SPAG16: variants seen among roughly 807,000 people sequenced by gnomAD.
SPAG16 encodes the protein sperm associated antigen 16.
In SPAG16, 86 loss-of-function variants were observed where a neutral mutation model predicts 80.4. That is an observed-to-expected ratio of 1.07 (90% CI 0.90 to 1.28). SPAG16 has a LOEUF of 1.28. Ranked by LOEUF, SPAG16 falls within the 50% of genes most tolerant of loss-of-function variation. The pLI, the probability that SPAG16 is intolerant of heterozygous loss-of-function variation, is 0.00. For synonymous variants in SPAG16, 294 were observed against 265.9 expected (o/e 1.11, Z -1.03); for missense variants, 870 against 765.3 (o/e 1.14, Z -1.61).
intron 15 of SPAG16, among the ~76,000 whole-genome samples, chr2:214,212,226 C>T (rs948067993): frequency 3.3e-4 from 50 of 152,144 alleles, no homozygotes; most frequent in African/African-American, 5.5e-4. Context: ...CTTGCTGTTC[C>T]TCAGACATGG....
intron 10 of SPAG16, among the ~76,000 whole-genome samples, chr2:213,783,531 A>G (rs2070150897): frequency 1.6e-5 from 2 of 124,896 alleles, no homozygotes; most frequent in East Asian, 2.3e-4. Flanking sequence ...AAAAAAATAT[A>G]TACGTATGAG....
chr2:213,711,117 G>T (rs1468966490), intron 10 of SPAG16, among the ~76,000 whole-genome samples: 1 of 152,070 alleles, frequency 6.6e-6, no homozygotes, highest in Non-Finnish European at 1.5e-5. Context: ...TTTGCTTGCT[G>T]TACAGAATCA....
chr2:213,795,771 C>T (rs2070986025), intron 10 of SPAG16, among the ~76,000 whole-genome samples: 1 of 152,124 alleles, frequency 6.6e-6, no homozygotes, highest in South Asian at 2.1e-4. Flanking sequence ...CATCTTTCCC[C>T]TCTGTCTTGC....
intron 10 of SPAG16, among the ~76,000 whole-genome samples, chr2:213,668,458 T>G (rs2125210425): frequency 6.6e-6 from 1 of 152,230 alleles, no homozygotes; most frequent in Admixed American, 6.5e-5. Context: ...ATGGAATGTC[T>G]TAATTAAAGC....
At chr2:213,626,285 G>T (rs1265428252) in intron 10 of SPAG16, among the ~76,000 whole-genome samples, 1 of 151,876 alleles carries the variant, frequency 6.6e-6, no homozygotes, top group African/African-American at 2.4e-5. Flanking sequence ...ACCAAGCAAA[G>T]ATAACAAGAG....
intron 15 of SPAG16, among the ~76,000 whole-genome samples, chr2:214,354,248 A>T (rs1698620120): frequency 6.6e-6 from 1 of 152,148 alleles, no homozygotes; most frequent in Non-Finnish European, 1.5e-5. Context: ...CCATTTATTA[A>T]ATAGGGAATC....
chr2:214,105,441 A>G (rs1166760118), intron 13 of SPAG16, among the ~76,000 whole-genome samples: 3 of 152,212 alleles, frequency 2.0e-5, no homozygotes, highest in Non-Finnish European at 2.9e-5. Context: ...GTTAAATGCC[A>G]TTATCTCATT....
chr2:213,381,255 C>T (rs2067157649), intron 9 of SPAG16, among the ~76,000 whole-genome samples: 1 of 152,176 alleles, frequency 6.6e-6, no homozygotes, highest in Admixed American at 6.5e-5. Flanking sequence ...TAAATGACTG[C>T]TGTTCCTTTA....
chr2:214,050,785 A>C (rs951436128), intron 13 of SPAG16, among the ~76,000 whole-genome samples: 2 of 151,976 alleles, frequency 1.3e-5, no homozygotes, highest in African/African-American at 4.8e-5. Flanking sequence ...TCACCAGACT[A>C]TTTCTTCTCC....
intron 11 of SPAG16, among the ~76,000 whole-genome samples, chr2:213,869,329 C>T (rs1354638530): frequency 2.7e-5 from 3 of 111,342 alleles, no homozygotes; most frequent in Non-Finnish European, 4.1e-5. Context: ...CACACACATG[C>T]AAAACTTTTT....
intron 10 of SPAG16, among the ~76,000 whole-genome samples, chr2:213,731,153 G>GTTTTTTTT (rs57074369): frequency 9.3e-6 from 1 of 107,098 alleles, no homozygotes; most frequent in Non-Finnish European, 1.8e-5. Flanking sequence ...TTATATCTGA[G>GTTTTTTTT]TTTTTTTTTT....
chr2:213,686,118 CTTTA>C (rs1393368332), intron 10 of SPAG16, among the ~76,000 whole-genome samples: 1 of 151,904 alleles, frequency 6.6e-6, no homozygotes, highest in African/African-American at 2.4e-5. Flanking sequence ...CTATGTGTTA[CTTTA>C]TTTATTTATT....
At chr2:214,160,155 T>C (rs1384216504) in intron 15 of SPAG16, among the ~76,000 whole-genome samples, 1 of 151,632 alleles carries the variant, frequency 6.6e-6, no homozygotes, top group Non-Finnish European at 1.5e-5. Flanking sequence ...TTGTAAAGAA[T>C]AGCATGTATT....
chr2:214,348,529 T>G (rs1021161880), intron 15 of SPAG16, among the ~76,000 whole-genome samples: 2 of 152,198 alleles, frequency 1.3e-5, no homozygotes, highest in African/African-American at 4.8e-5. Flanking sequence ...TGAAGCTGCT[T>G]TTTTATTTGC....
rs71063764 is a variant in SPAG16 at position 213,643,767 on chromosome 2, C to CTTTTTTTTT, written c.1070+153698_1070+153706dup. ...TAGCCTGTCTTCAAGCTCACTACTT[C>CTTTTTTTTT]TTTTTTTTTTTTTTTTTTTTTTTTT... On this transcript the variant is annotated intron_variant, in intron 10 of 15. Coordinates refer to ENST00000331683, the MANE Select transcript of SPAG16 (RefSeq NM_024532.5). Among the ~76,000 whole-genome samples the CTTTTTTTTT allele has an allele frequency of 1.2e-4, 6 of 52,028 alleles. 1 individual carries two copies. The highest frequency in any genetic ancestry group is 3.4e-4 in the African/African-American group (4 of 11,722). 34.1% of individuals were successfully genotyped at this position (52,028 alleles called of 152,430 possible).
At chr2:213,800,261 T>C (rs1385501204) in intron 10 of SPAG16, among the ~76,000 whole-genome samples, 2 of 152,136 alleles carry the variant, frequency 1.3e-5, no homozygotes, top group African/African-American at 2.4e-5. Context: ...CTGCCATATT[T>C]CTTGTGTACT....
At chr2:214,014,479 A>G (rs939195983) in intron 13 of SPAG16, among the ~76,000 whole-genome samples, 1 of 152,306 alleles carries the variant, frequency 6.6e-6, no homozygotes, top group East Asian at 1.9e-4. Context: ...ATACAGGGGG[A>G]AAGCAAGGAG....
intron 10 of SPAG16, among the ~76,000 whole-genome samples, chr2:213,740,309 A>G (rs2067486548): frequency 6.6e-6 from 1 of 152,184 alleles, no homozygotes; most frequent in Non-Finnish European, 1.5e-5. Context: ...AATCTGAGGT[A>G]GACACTTCAT....
chr2:214,309,165 C>A (rs1368953229), intron 15 of SPAG16, among the ~76,000 whole-genome samples: 1 of 151,990 alleles, frequency 6.6e-6, no homozygotes, highest in Non-Finnish European at 1.5e-5. Context: ...ATTCTTTACT[C>A]CACTTGGCCT....
Sources: gnomAD v4.1 joint callset for allele counts (sites outside exome capture counted in the v4.1 genomes callset) on GRCh38, gnomAD v4.1.1 for gene constraint, MANE v1.5 for transcripts, NCBI Gene and HGNC (gene_info 2026-07-23, HGNC 2026-07-21) for gene names.